MED1: variants seen among roughly 807,000 people sequenced by gnomAD.
MED1 encodes mediator of RNA polymerase II transcription subunit 1.
In MED1, 17 loss-of-function variants were observed where a neutral mutation model predicts 121.3. The ratio of observed to expected loss-of-function variants is 0.14; its 90% confidence interval spans 0.10 to 0.21. MED1 has a LOEUF of 0.21. Ranked by LOEUF, MED1 falls within the 10% of genes least tolerant of loss-of-function variation. The probability of loss-of-function intolerance (pLI) is 1.00; values close to 1 mark genes in which losing one functional copy is unlikely to be tolerated. For missense variants in MED1, 1,558 were observed against 1,919.4 expected (o/e 0.81, Z 3.52); for synonymous variants, 661 against 694.4 (o/e 0.95, Z 0.76).
intron 5 of MED1, among the ~76,000 whole-genome samples, chr17:39,439,950 AAAAGAAGG>A (rs2048656068): frequency 6.7e-6 from 1 of 149,146 alleles, no homozygotes; most frequent in East Asian, 1.9e-4. Context: ...AAAAAAAAGA[AAAAGAAGG>A]AAAGAAGGAA....
At chr17:39,445,448 G>C (rs1338831990) in intron 2 of MED1, 1 of 152,024 alleles carries the variant, frequency 6.6e-6, no homozygotes, top group African/African-American at 2.4e-5. Flanking sequence ...CTGACCTCAG[G>C]TGATCGACCC....
rs2048291959 is a variant in MED1, at chr17:39,404,985, G to C, written c.*2490C>G. 3 of 405,650 alleles carry C rather than the reference G, an allele frequency of 7.4e-6. No individual in the cohort carries two copies. Among genetic ancestry groups the C allele is most frequent in the South Asian group, 1.2e-4 (2 of 16,804 alleles). The allele number at this position is 405,650 out of a possible 1,614,324, so 25.1% of individuals were successfully genotyped here. On this transcript the variant is annotated 3_prime_UTR_variant, in exon 17 of 17. Transcript: ENST00000300651. Reference sequence around the variant, plus strand: ...ACCCCTAATGTTAAGTCAAAAGACAGAAGAGGAATCAGGTCAAACTGAGAA... The same window carrying C: ...ACCCCTAATGTTAAGTCAAAAGACACAAGAGGAATCAGGTCAAACTGAGAA...
chr17:39,448,129 A>G (rs1389482070), intron 1 of MED1, among the ~76,000 whole-genome samples: 1 of 150,174 alleles, frequency 6.7e-6, no homozygotes, highest in Non-Finnish European at 1.5e-5. Context: ...ACTGTTATCT[A>G]TCCACCTTTT....
chr17:39,446,857 C>T (rs1177763845), intron 2 of MED1, among the ~76,000 whole-genome samples: 1 of 151,734 alleles, frequency 6.6e-6, no homozygotes, highest in Non-Finnish European at 1.5e-5. Flanking sequence ...GGAGAACCAC[C>T]TGAGCCTGGG....
chr17:39,441,383 T>C (rs925534873), intron 3 of MED1, among the ~76,000 whole-genome samples: 1 of 152,182 alleles, frequency 6.6e-6, no homozygotes. Context: ...TGGTGATGAT[T>C]ATACAATAAT....
In MED1 at chr17:39,423,812, G is replaced by A. The variant is rs745334082; in HGVS notation, c.861C>T (p.Ser287=). The change falls in exon 12 of 17, where the codon TCC becomes TCT. Residue 287 remains serine, a synonymous_variant. Coordinates refer to ENST00000300651, the MANE Select transcript of MED1 (RefSeq NM_004774.4). ...TGTTGGCACTGGTGATTGAGGAGAA[G>A]GAAGGGGTCCTTCAAAAAAAAGAGG... The part of the protein sequence containing the change: ...SHPVDNKWTP[S]FSSITSANSV... The A allele has an allele frequency of 1.1e-5, 18 of 1,607,532 alleles. No homozygotes were observed. In the South Asian group the frequency reaches 1.8e-4, roughly 16 times the overall value.
rs2048298580 is a variant in MED1, at chr17:39,405,829, G to C, written c.*1646C>G. On this transcript the variant is annotated 3_prime_UTR_variant, in exon 17 of 17. Coordinates refer to ENST00000300651, the MANE Select transcript of MED1 (RefSeq NM_004774.4). ...AACTCTATGCTGACTCCAACCTGCA[G>C]AAAAAGCTGAATATAGAAATCTTCT... 2.1e-5 allele frequency: 21 copies of C among 985,726 alleles called. No individual in the cohort carries two copies. In the South Asian group the frequency reaches 8.4e-4, roughly 40 times the overall value. 61.1% of individuals were successfully genotyped at this position (985,726 alleles called of 1,614,324 possible).
chr17:39,438,224 T>C (rs1305013134), intron 6 of MED1, among the ~76,000 whole-genome samples: 1 of 149,790 alleles, frequency 6.7e-6, no homozygotes, highest in Non-Finnish European at 1.5e-5. Flanking sequence ...CAGGCTGGAG[T>C]GCAGTGGCAC....
Position 39,407,591 on chromosome 17 carries a change from A to G in MED1, c.4630T>C (p.Leu1544=). ...SKSPISSDQS[L]SMTSNTILSA... is the part of the protein sequence containing the mutation. ...AAGATTGTGTTACTTGTCATAGACA[A>G]GGACTGGTCTGAAGAGATGGGTGAT... Residue 1544 remains leucine, a synonymous_variant, in exon 17 of 17, where the codon TTG becomes CTG. Coordinates refer to ENST00000300651, the MANE Select transcript of MED1 (RefSeq NM_004774.4). The G allele has an allele frequency of 3.7e-6, 6 of 1,614,160 alleles. No homozygotes were observed. Among genetic ancestry groups the G allele is most frequent in the East Asian group, 2.2e-5 (1 of 44,876 alleles).
chr17:39,439,400 T>C lies in MED1; in HGVS notation c.400-207A>G, dbSNP rs1270784947. The stretch of plus-strand genomic sequence containing the variant: ...GTGAGAAATTTAAAGTCAAAGCATA[T>C]GAAATAGTTTTTAAAAGAATCTACT... On this transcript the variant is annotated intron_variant, in intron 5 of 16. Transcript: ENST00000300651. Among the ~76,000 whole-genome samples the C allele has an allele frequency of 3.3e-5, 5 of 152,342 alleles. No homozygotes were observed. The South Asian group carries it at 1.0e-3, about 32-fold the overall frequency.
intron 16 of MED1, among the ~76,000 whole-genome samples, chr17:39,412,228 CTT>C (rs1163616624): frequency 5.3e-5 from 7 of 132,230 alleles, no homozygotes; most frequent in Admixed American, 7.6e-5. Context: ...ATTTTTTTTT[CTT>C]TTTTTTTTTT....
At chr17:39,426,237 A>G (rs2048514222) in intron 10 of MED1, among the ~76,000 whole-genome samples, 1 of 152,254 alleles carries the variant, frequency 6.6e-6, no homozygotes, top group South Asian at 2.1e-4. Context: ...ACTTCAGGTA[A>G]GGAGTTCAAG....
At chr17:39,422,498 C>G (rs1288582660) in intron 13 of MED1, among the ~76,000 whole-genome samples, 4 of 95,516 alleles carry the variant, frequency 4.2e-5, no homozygotes, top group African/African-American at 1.8e-4. Context: ...TTTTTTGAGA[C>G]GGAATTTCGC....
chr17:39,432,846 C>T (rs1458254614), intron 7 of MED1, among the ~76,000 whole-genome samples: 2 of 152,064 alleles, frequency 1.3e-5, no homozygotes, highest in Admixed American at 6.6e-5. Context: ...GGGTAGATCA[C>T]GTGAGGTCAG....
Position 39,407,425 on chromosome 17 carries a change from A to G in MED1, c.*50T>C, listed in dbSNP as rs2144710822. 6.5e-7 allele frequency: 1 copy of G among 1,541,494 alleles called. No individual in the cohort carries two copies. Among genetic ancestry groups the G allele is most frequent in the East Asian group, 2.3e-5 (1 of 44,336 alleles). The stretch of plus-strand genomic sequence containing the variant: ...CTTATGGTGGTTTGCCTATAAACTT[A>G]TCAATAGTTTTTTTTCCTCTGGCCC... On this transcript the variant is annotated 3_prime_UTR_variant, in exon 17 of 17. Coordinates refer to ENST00000300651, the MANE Select transcript of MED1 (RefSeq NM_004774.4).
chr17:39,419,122 C>T (rs1044628205), intron 14 of MED1, among the ~76,000 whole-genome samples: 1 of 151,530 alleles, frequency 6.6e-6, no homozygotes, highest in African/African-American at 2.4e-5. Flanking sequence ...TACTGTGTTA[C>T]CCAGGTTGGA....
In MED1 at chr17:39,407,887, C is replaced by T. The variant is rs2048318425; in HGVS notation, c.4334G>A (p.Arg1445His). Residue 1445 changes from arginine to histidine, a missense_variant, in exon 17 of 17, where the codon CGT becomes CAT. By Grantham distance (29) the Arg-to-His change is conservative. Transcript: ENST00000300651. ...LISGSTPKHERGSPSHSKSPA... is the reference protein window; with the variant it reads ...LISGSTPKHEHGSPSHSKSPA... ...TGACTTACTATGGCTGGGAGAGCCA[C>T]GCTCATGCTTTGGAGTGGAACCACT... The T allele has an allele frequency of 2.5e-6, 4 of 1,613,976 alleles. No homozygotes were observed. The highest frequency in any genetic ancestry group is 1.1e-5 in the South Asian group (1 of 91,070).
chr17:39,407,338 G>C lies in MED1; in HGVS notation c.*137C>G. 4 of 1,422,448 alleles carry C rather than the reference G, an allele frequency of 2.8e-6. No individual in the cohort carries two copies. The highest frequency in any genetic ancestry group is 3.7e-6 in the Non-Finnish European group (4 of 1,092,868). The allele number at this position is 1,422,448 out of a possible 1,614,324, so 88.1% of individuals were successfully genotyped here. On this transcript the variant is annotated 3_prime_UTR_variant, in exon 17 of 17. Transcript: ENST00000300651. ...TGGATATGCCTTTCTAATTCACCCAGCTTGATGTCAAAGCCATGCCATTTA... is the reference window on the plus strand; with the variant it reads ...TGGATATGCCTTTCTAATTCACCCACCTTGATGTCAAAGCCATGCCATTTA...
At chr17:39,439,991 AAG>A (rs1379043510) in intron 5 of MED1, among the ~76,000 whole-genome samples, 28 of 126,976 alleles carry the variant, frequency 2.2e-4, no homozygotes, top group African/African-American at 6.9e-4. Flanking sequence ...AGAAAGAAGG[AAG>A]GAAGGAAGGA....
Sources: allele counts gnomAD v4.1 joint callset (sites outside exome capture counted in the v4.1 genomes callset), GRCh38; gene constraint gnomAD v4.1.1; transcripts MANE v1.5; gene names NCBI Gene and HGNC (gene_info 2026-07-23, HGNC 2026-07-21).